The following DMD variants were observed in gnomAD, a reference collection of about 807,000 sequenced individuals.
DMD encodes mutant dystrophin.
In DMD, 63 loss-of-function variants were observed where a neutral mutation model predicts 330.1. That is an observed-to-expected ratio of 0.19 (90% CI 0.16 to 0.24). DMD has a LOEUF of 0.24. Among genes scored for constraint, DMD ranks in the 10% least tolerant of loss-of-function variants. The probability of loss-of-function intolerance (pLI) is 1.00; values close to 1 mark genes in which losing one functional copy is unlikely to be tolerated. For missense variants in DMD, 3,344 were observed against 2,684.1 expected (o/e 1.25, Z -5.43); for synonymous variants, 1,223 against 959.8 (o/e 1.27, Z -5.07).
intron 1 of DMD, among the ~76,000 whole-genome samples, chrX:33,088,876 T>G (rs953342228): frequency 3.6e-5 from 4 of 110,628 alleles, no homozygotes; most frequent in Non-Finnish European, 7.5e-5. Context: ...CTGGTAAAAG[T>G]GACACAAAAA....
chrX:31,552,800 A>G (rs1037138498), intron 55 of DMD, among the ~76,000 whole-genome samples: 1 of 112,042 alleles, frequency 8.9e-6, no homozygotes, highest in African/African-American at 3.2e-5. Context: ...CAAATTTCTT[A>G]TCTATTTCCT....
intron 34 of DMD, among the ~76,000 whole-genome samples, chrX:32,377,423 T>C (rs745564066): frequency 7.1e-5 from 8 of 111,992 alleles, no homozygotes; most frequent in Non-Finnish European, 1.3e-4. Context: ...GTGAGTTTTC[T>C]TTCTTCAATT....
chrX:33,070,702 T>TATATAA (rs1186863861), intron 1 of DMD, among the ~76,000 whole-genome samples: 23 of 94,318 alleles, frequency 2.4e-4, no homozygotes, highest in African/African-American at 8.4e-4. Context: ...TATATATATA[T>TATATAA]ATATATATGT....
intron 78 of DMD, among the ~76,000 whole-genome samples, chrX:31,124,988 T>TTAAAA (rs777769134): frequency 1.4e-4 from 16 of 111,757 alleles, no homozygotes; most frequent in Non-Finnish European, 2.3e-4. Flanking sequence ...TTTCATAGCA[T>TTAAAA]TAAAAAAGGT....
At chrX:33,098,727 C>T (rs1001489525) in intron 1 of DMD, among the ~76,000 whole-genome samples, 5 of 111,669 alleles carry the variant, frequency 4.5e-5, no homozygotes, top group African/African-American at 6.5e-5. Context: ...AGGGTACACT[C>T]GCCAGCAGTT....
At chrX:32,731,242 A>G (rs760307769) in intron 7 of DMD, among the ~76,000 whole-genome samples, 1 of 112,314 alleles carries the variant, frequency 8.9e-6, no homozygotes. Context: ...TATATCCTGC[A>G]TCTGGCTCGG....
intron 9 of DMD, among the ~76,000 whole-genome samples, chrX:32,681,221 C>A (rs7049806): frequency 0.093 from 10,302 of 111,137 alleles, 1,169 homozygotes; most frequent in African/African-American, 0.32. Flanking sequence ...AAGCTCTGTT[C>A]AAGATGAACT....
At chrX:33,097,822 G>T (rs1363096197) in intron 1 of DMD, among the ~76,000 whole-genome samples, 1 of 109,028 alleles carries the variant, frequency 9.2e-6, no homozygotes, top group Non-Finnish European at 1.9e-5. Context: ...CATCATGCTG[G>T]CCAGGCTGGT....
At chrX:33,087,541 C>A (rs996166684) in intron 1 of DMD, among the ~76,000 whole-genome samples, 2 of 111,906 alleles carry the variant, frequency 1.8e-5, no homozygotes, top group Non-Finnish European at 3.8e-5. Flanking sequence ...CTTTTCTACT[C>A]ACATTCATTC....
chrX:32,321,213 A>C (rs1196940037), intron 41 of DMD, among the ~76,000 whole-genome samples: 3 of 111,521 alleles, frequency 2.7e-5, no homozygotes, highest in Admixed American at 9.6e-5. Context: ...CACATCGTAG[A>C]TATGTTTTCT....
At chrX:33,062,622 G>A (rs993296700) in intron 1 of DMD, among the ~76,000 whole-genome samples, 2 of 111,810 alleles carry the variant, frequency 1.8e-5, no homozygotes, top group African/African-American at 3.2e-5. Flanking sequence ...GATCACAGGC[G>A]TGCGCCACTA....
At chrX:31,384,449 T>C (rs943320958) in intron 60 of DMD, among the ~76,000 whole-genome samples, 1 of 111,642 alleles carries the variant, frequency 9.0e-6, no homozygotes, top group Admixed American at 9.5e-5. Flanking sequence ...CTGTGGAATA[T>C]AAATTCATGG....
At chrX:31,400,685 A>C (rs776792984) in intron 60 of DMD, among the ~76,000 whole-genome samples, 33 of 108,070 alleles carry the variant, frequency 3.1e-4, no homozygotes, top group Non-Finnish European at 4.9e-4. Flanking sequence ...ATACTTTTAC[A>C]AAAGCAGTTA....
chrX:32,215,249 G>A (rs974778111), intron 44 of DMD, among the ~76,000 whole-genome samples: 1 of 111,202 alleles, frequency 9.0e-6, no homozygotes, highest in African/African-American at 3.3e-5. Flanking sequence ...ACTTTAAGGA[G>A]CCTAATAAAT....
chrX:32,604,535 T>C (rs943408769), intron 12 of DMD, among the ~76,000 whole-genome samples: 12 of 110,203 alleles, frequency 1.1e-4, no homozygotes, highest in Non-Finnish European at 1.9e-4. Context: ...TTCAACATAG[T>C]ACTGGAAGTC....
intron 9 of DMD, among the ~76,000 whole-genome samples, chrX:32,660,642 A>G (rs960352845): frequency 6.0e-4 from 67 of 111,391 alleles, no homozygotes; most frequent in African/African-American, 2.1e-3. Context: ...AATATTGTTA[A>G]TACAGAAGCT....
chrX:32,331,509 A>T (rs2097679656), intron 41 of DMD, among the ~76,000 whole-genome samples: 1 of 111,793 alleles, frequency 8.9e-6, no homozygotes, highest in Non-Finnish European at 1.9e-5. Flanking sequence ...TAGATTTTGC[A>T]GTCAATATTT....
intron 51 of DMD, among the ~76,000 whole-genome samples, chrX:31,753,552 A>C (rs748188201): frequency 8.9e-6 from 1 of 111,964 alleles, no homozygotes; most frequent in South Asian, 3.7e-4. Flanking sequence ...ATCTCAAACT[A>C]GGAAAAATCT....
At chrX:32,624,669 A>G (rs1022849055) in intron 11 of DMD, among the ~76,000 whole-genome samples, 2 of 111,612 alleles carry the variant, frequency 1.8e-5, no homozygotes, top group Admixed American at 1.9e-4. Context: ...AATGCTTCGG[A>G]TCCATTAATC....
Sources: gnomAD v4.1 joint callset for allele counts (sites outside exome capture counted in the v4.1 genomes callset) on GRCh38, gnomAD v4.1.1 for gene constraint, MANE v1.5 for transcripts, NCBI Gene and HGNC (gene_info 2026-07-23, HGNC 2026-07-21) for gene names.